The following RNF169 variants were observed in gnomAD, a reference collection of about 807,000 sequenced individuals.
RNF169 encodes E3 ubiquitin-protein ligase RNF169.
A neutral mutation model predicts 53.9 loss-of-function variants in RNF169; 24 were observed. That is an observed-to-expected ratio of 0.45 (90% CI 0.32 to 0.63). The LOEUF is 0.63. Ranked by LOEUF, RNF169 falls within the 20% of genes least tolerant of loss-of-function variation. The pLI, the probability that RNF169 is intolerant of heterozygous loss-of-function variation, is 0.04. For missense variants in RNF169, 883 were observed against 906.2 expected, an observed-to-expected ratio of 0.97 and a Z score of 0.33; for synonymous variants, 396 against 363.5, an observed-to-expected ratio of 1.09 and a Z score of -1.02.
chr11:74,756,411 T>C (rs1401470436), intron 1 of RNF169, among the ~76,000 whole-genome samples: 2 of 152,258 alleles, frequency 1.3e-5, no homozygotes, highest in Non-Finnish European at 2.9e-5. Flanking sequence ...GGATACTCTC[T>C]GTGTCTTAGT....
At chr11:74,779,866 T>TG (rs1261240021) in intron 1 of RNF169, among the ~76,000 whole-genome samples, 1 of 152,180 alleles carries the variant, frequency 6.6e-6, no homozygotes, top group Non-Finnish European at 1.5e-5. Context: ...TGCTTTTTTT[T>TG]GGAGATGGGG....
chr11:74,763,569 ATAAGT>A (rs1437548208), intron 1 of RNF169, among the ~76,000 whole-genome samples: 3 of 152,266 alleles, frequency 2.0e-5, no homozygotes, highest in Non-Finnish European at 4.4e-5. Flanking sequence ...ATCTCAGTAA[ATAAGT>A]TAAACAATAG....
intron 1 of RNF169, among the ~76,000 whole-genome samples, chr11:74,759,663 C>G (rs1168127321): frequency 6.9e-6 from 1 of 144,668 alleles, no homozygotes; most frequent in East Asian, 2.0e-4. Flanking sequence ...ATGAAGCCCA[C>G]TTGATCATGG....
intron 2 of RNF169, among the ~76,000 whole-genome samples, chr11:74,798,744 C>T (rs2035686268): frequency 1.3e-5 from 2 of 152,080 alleles, no homozygotes; most frequent in Admixed American, 1.3e-4. Flanking sequence ...GTGATGTTTC[C>T]CCTGGATGCC....
chr11:74,810,260 CAG>C lies in RNF169; in HGVS notation c.654_655del (p.Gly219GlufsTer6). The stretch of plus-strand genomic sequence containing the variant: ...AAGCTGTTACCAGAGGATACAGAAA[CAG>C]GGAAAAGGAAAATGGATGAACAGAA... On this transcript the variant is annotated frameshift_variant, in exon 3 of 6. Transcript: ENST00000299563. LOFTEE classifies it high-confidence loss of function. 1 of 1,613,508 alleles carries C rather than the reference CAG, an allele frequency of 6.2e-7. No homozygotes were observed. Among genetic ancestry groups the C allele is most frequent in the Non-Finnish European group, 8.5e-7 (1 of 1,179,606 alleles).
intron 1 of RNF169, among the ~76,000 whole-genome samples, chr11:74,750,588 CTTTTTTTTTTTTT>C (rs71036015): frequency 7.3e-5 from 4 of 54,500 alleles, no homozygotes; most frequent in African/African-American, 1.8e-4. Context: ...CTCCCCTCAC[CTTTTTTTTTTTTT>C]TTTTTTTTTT....
chr11:74,778,588 G>A (rs1467434082), intron 1 of RNF169, among the ~76,000 whole-genome samples: 1 of 152,208 alleles, frequency 6.6e-6, no homozygotes, highest in African/African-American at 2.4e-5. Context: ...TTTCCTGGGG[G>A]CTTTACATAC....
rs1399708800 is a variant in RNF169 at position 74,749,121 on chromosome 11, C to T, written c.241C>T (p.Leu81=). 6 of 1,369,908 alleles carry T rather than the reference C, an allele frequency of 4.4e-6. No homozygotes were observed. The highest frequency in any genetic ancestry group is 3.1e-5 in the East Asian group (1 of 32,376). 84.9% of individuals were successfully genotyped at this position (1,369,908 alleles called of 1,614,324 possible). ...CLEPPGEAAA[L]PCGHSLCRGC... Reference sequence around the variant, plus strand: ...GGAGCCCCCCGGAGAAGCAGCGGCCCTGCCGTGCGGCCACTCGCTTTGCCG... The same window carrying T: ...GGAGCCCCCCGGAGAAGCAGCGGCCTTGCCGTGCGGCCACTCGCTTTGCCG... Residue 81 remains leucine (L), a synonymous_variant, in exon 1 of 6, where the codon CTG becomes TTG. Transcript: ENST00000299563.
chr11:74,764,308 C>T (rs7932053), intron 1 of RNF169, among the ~76,000 whole-genome samples: 2,847 of 152,126 alleles, frequency 0.019, 103 homozygotes, highest in African/African-American at 0.065. Flanking sequence ...CCGAGGTGGG[C>T]GGATCGCTCA....
At chr11:74,774,941 CAG>C in intron 1 of RNF169, among the ~76,000 whole-genome samples, 1 of 152,112 alleles carries the variant, frequency 6.6e-6, no homozygotes, top group Admixed American at 6.5e-5. Flanking sequence ...GACTGGGTGA[CAG>C]AGACTGGACG....
chr11:74,780,762 A>G (rs376251499), intron 1 of RNF169, among the ~76,000 whole-genome samples: 5 of 152,226 alleles, frequency 3.3e-5, no homozygotes, highest in African/African-American at 1.2e-4. Flanking sequence ...ATTTAAAAAA[A>G]TCTATATGAA....
chr11:74,820,727 G>A (rs1019662456), intron 4 of RNF169, among the ~76,000 whole-genome samples: 1 of 152,174 alleles, frequency 6.6e-6, no homozygotes, highest in African/African-American at 2.4e-5. Flanking sequence ...AAGGAAGATA[G>A]CTTAAGGAGA....
chr11:74,826,434 CCT>C (rs2036099010), intron 4 of RNF169, among the ~76,000 whole-genome samples: 1 of 152,162 alleles, frequency 6.6e-6, no homozygotes, highest in Admixed American at 6.5e-5. Context: ...CTGGACTCTA[CCT>C]TGACACATGG....
At chr11:74,829,845 G>A (rs533117882) in intron 4 of RNF169, among the ~76,000 whole-genome samples, 1 of 152,102 alleles carries the variant, frequency 6.6e-6, no homozygotes, top group East Asian at 1.9e-4. Context: ...ACACACTGGG[G>A]CCTGCAGGAG....
chr11:74,763,327 G>A (rs1429157593), intron 1 of RNF169, among the ~76,000 whole-genome samples: 1 of 152,134 alleles, frequency 6.6e-6, no homozygotes, highest in Non-Finnish European at 1.5e-5. Context: ...AATGACACAT[G>A]AGGAAATGGC....
chr11:74,785,197 G>GAT (rs201305782), intron 1 of RNF169, among the ~76,000 whole-genome samples: 5 of 111,064 alleles, frequency 4.5e-5, no homozygotes, highest in Non-Finnish European at 6.5e-5. Context: ...ATATATATAT[G>GAT]ATATATATAT....
chr11:74,838,097 G>A lies in RNF169; in HGVS notation c.*1367G>A, dbSNP rs2036284347. The A allele has an allele frequency of 6.6e-6, 1 of 152,106 alleles. No homozygotes were observed. The highest frequency in any genetic ancestry group is 2.4e-5 in the African/African-American group (1 of 41,416). 9.4% of individuals were successfully genotyped at this position (152,106 alleles called of 1,614,324 possible). A position where few individuals can be genotyped will look rare whatever the true frequency, so the allele number is the denominator to read the frequency against. On this transcript the variant is annotated 3_prime_UTR_variant, in exon 6 of 6. Coordinates refer to ENST00000299563, the MANE Select transcript of RNF169 (RefSeq NM_001098638.2). Reference sequence around the variant, plus strand: ...ACTGCTTAGTTTTTCCAGTGCCATTGGTGAAAGCATTTCTGGAACTGTCTT... The same window carrying A: ...ACTGCTTAGTTTTTCCAGTGCCATTAGTGAAAGCATTTCTGGAACTGTCTT...
Position 74,749,401 on chromosome 11 carries a change from C to T in RNF169, c.502+19C>T. Reference sequence around the variant, plus strand: ...GAGCCAGGTGGAGCTTCCCCACTTCCCCTTAGGGTCTGGAGCGAGGCCGAG... The same window carrying T: ...GAGCCAGGTGGAGCTTCCCCACTTCTCCTTAGGGTCTGGAGCGAGGCCGAG... On this transcript the variant is annotated intron_variant, in intron 1 of 5. Transcript: ENST00000299563. The T allele has an allele frequency of 8.0e-7, 1 of 1,246,108 alleles. No individual in the cohort carries two copies. 77.2% of individuals were successfully genotyped at this position (1,246,108 alleles called of 1,614,324 possible).
intron 1 of RNF169, among the ~76,000 whole-genome samples, chr11:74,772,543 T>C (rs1382983575): frequency 6.6e-6 from 1 of 150,902 alleles, no homozygotes; most frequent in Non-Finnish European, 1.5e-5. Flanking sequence ...AGCTCTTTTT[T>C]ACCCTGTGAG....
Sources: gnomAD v4.1 joint callset for allele counts (sites outside exome capture counted in the v4.1 genomes callset) on GRCh38, gnomAD v4.1.1 for gene constraint, MANE v1.5 for transcripts, NCBI Gene and HGNC (gene_info 2026-07-23, HGNC 2026-07-21) for gene names.